STAG1: variants seen among roughly 807,000 people sequenced by gnomAD.
STAG1 encodes the protein cohesin subunit SA-1.
In STAG1, 26 loss-of-function variants were observed where a neutral mutation model predicts 170.9. The observed-to-expected ratio is 0.15, with a 90% CI of 0.11 to 0.21. The LOEUF is 0.21. Ranked by LOEUF, STAG1 falls within the 10% of genes least tolerant of loss-of-function variation. The probability of loss-of-function intolerance (pLI) is 1.00; values close to 1 mark genes in which losing one functional copy is unlikely to be tolerated. For synonymous variants in STAG1, 514 were observed against 497.7 expected (o/e 1.03, Z -0.44); for missense variants, 964 against 1,509.5 (o/e 0.64, Z 5.99).
intron 9 of STAG1, among the ~76,000 whole-genome samples, chr3:136,491,008 T>A (rs977242084): frequency 2.0e-5 from 3 of 152,246 alleles, no homozygotes; most frequent in Non-Finnish European, 4.4e-5. Flanking sequence ...GTAGAATATA[T>A]TCCCTAACCT....
chr3:136,684,496 T>A (rs1942443851), intron 1 of STAG1, among the ~76,000 whole-genome samples: 1 of 152,210 alleles, frequency 6.6e-6, no homozygotes, highest in Non-Finnish European at 1.5e-5. Context: ...GCGCCTGTAA[T>A]TCCAGCACTT....
At chr3:136,346,172 C>A (rs376821734) in intron 29 of STAG1, among the ~76,000 whole-genome samples, 59 of 152,254 alleles carry the variant, frequency 3.9e-4, no homozygotes, top group African/African-American at 1.3e-3. Flanking sequence ...AGAGCATTGA[C>A]CATGGTGAAA....
At chr3:136,495,970 CAAAAAAA>C (rs35882097) in intron 9 of STAG1, among the ~76,000 whole-genome samples, 19 of 64,136 alleles carry the variant, frequency 3.0e-4, no homozygotes, top group African/African-American at 1.3e-3. Context: ...GACTCCGTCT[CAAAAAAA>C]AAAAAAAAAA....
intron 1 of STAG1, among the ~76,000 whole-genome samples, chr3:136,656,617 TTG>T (rs71157397): frequency 9.2e-4 from 132 of 143,230 alleles, no homozygotes; most frequent in Middle Eastern, 7.0e-3. Flanking sequence ...CTGTATTTAT[TTG>T]TGTGTGTGTG....
chr3:136,372,491 T>A (rs1040446947), intron 23 of STAG1, among the ~76,000 whole-genome samples: 1 of 152,184 alleles, frequency 6.6e-6, no homozygotes, highest in Non-Finnish European at 1.5e-5. Context: ...GGGTTTGTCA[T>A]AGATAGCTCT....
intron 26 of STAG1, among the ~76,000 whole-genome samples, chr3:136,362,459 T>G (rs963467064): frequency 4.0e-5 from 6 of 151,812 alleles, no homozygotes; most frequent in Admixed American, 2.0e-4. Context: ...ATACATCTAT[T>G]TAATCTATTT....
rs1559841951 is a variant in STAG1 at position 136,498,269 on chromosome 3, CACACCA to C, written c.902+1948_902+1953del. Among the ~76,000 whole-genome samples, 175 of 71,068 alleles carry C rather than the reference CACACCA, an allele frequency of 2.5e-3. 3 individuals carry two copies. Among genetic ancestry groups the C allele is most frequent in the Non-Finnish European group, 3.3e-3 (129 of 38,550 alleles). 46.6% of individuals were successfully genotyped at this position (71,068 alleles called of 152,430 possible). ...ATACATACACACACACACACACACA[CACACCA>C]CACACACATACACACACACACACAC... On this transcript the variant is annotated intron_variant, in intron 9 of 33. Transcript: ENST00000383202.
intron 3 of STAG1, among the ~76,000 whole-genome samples, chr3:136,621,257 GTTTC>G (rs749058915): frequency 3.9e-4 from 59 of 152,248 alleles, no homozygotes; most frequent in Non-Finnish European, 7.2e-4. Flanking sequence ...AAATAAAAAA[GTTTC>G]TTTAAGGAGA....
chr3:136,672,725 G>C (rs1942013802), intron 1 of STAG1, among the ~76,000 whole-genome samples: 1 of 152,114 alleles, frequency 6.6e-6, no homozygotes, highest in Non-Finnish European at 1.5e-5. Flanking sequence ...AGAGAGGGGG[G>C]AGATCCAAGA....
intron 9 of STAG1, among the ~76,000 whole-genome samples, chr3:136,484,659 G>A (rs1166402929): frequency 6.6e-6 from 1 of 150,518 alleles, no homozygotes; most frequent in African/African-American, 2.4e-5. Context: ...GGGCAATGGC[G>A]GGCGCCCCTC....
At chr3:136,446,597 A>AT (rs2088786223) in intron 14 of STAG1, among the ~76,000 whole-genome samples, 1 of 151,560 alleles carries the variant, frequency 6.6e-6, no homozygotes, top group Non-Finnish European at 1.5e-5. Flanking sequence ...TAATTTTTAC[A>AT]TTTTTAGTAG....
intron 7 of STAG1, among the ~76,000 whole-genome samples, chr3:136,504,975 T>C (rs1297280390): frequency 6.6e-6 from 1 of 152,158 alleles, no homozygotes; most frequent in African/African-American, 2.4e-5. Flanking sequence ...TTAGGTATAA[T>C]ACAGCAGTGT....
chr3:136,542,406 T>C (rs938155356), intron 5 of STAG1, among the ~76,000 whole-genome samples: 2 of 152,162 alleles, frequency 1.3e-5, no homozygotes, highest in African/African-American at 2.4e-5. Flanking sequence ...AAATTGCCGT[T>C]TTTAACTATA....
At chr3:136,525,427 G>C (rs1486007487) in intron 6 of STAG1, among the ~76,000 whole-genome samples, 1 of 152,038 alleles carries the variant, frequency 6.6e-6, no homozygotes, top group East Asian at 1.9e-4. Flanking sequence ...TATTTCTGTG[G>C]GATCGGTGGT....
chr3:136,743,713 G>C (rs1934795106), intron 1 of STAG1, among the ~76,000 whole-genome samples: 1 of 151,898 alleles, frequency 6.6e-6, no homozygotes, highest in Non-Finnish European at 1.5e-5. Context: ...GTAAATACAG[G>C]GAACACGTCC....
chr3:136,507,184 A>G (rs568675295), intron 7 of STAG1, among the ~76,000 whole-genome samples: 2 of 152,210 alleles, frequency 1.3e-5, no homozygotes, highest in Non-Finnish European at 2.9e-5. Context: ...GCCTTGCTCC[A>G]TAGTCCCAGC....
intron 1 of STAG1, among the ~76,000 whole-genome samples, chr3:136,706,667 C>T (rs1457577771): frequency 6.6e-6 from 1 of 152,024 alleles, no homozygotes; most frequent in Non-Finnish European, 1.5e-5. Flanking sequence ...CGGTGCAACC[C>T]CTATAAAAAT....
At chr3:136,368,681 A>C (rs1166009884) in intron 24 of STAG1, among the ~76,000 whole-genome samples, 2 of 152,206 alleles carry the variant, frequency 1.3e-5, no homozygotes, top group Admixed American at 1.3e-4. Context: ...GAATTATGCT[A>C]TATCTACATA....
chr3:136,353,554 G>A (rs750135119), intron 28 of STAG1, among the ~76,000 whole-genome samples: 2 of 152,198 alleles, frequency 1.3e-5, no homozygotes, highest in Non-Finnish European at 2.9e-5. Flanking sequence ...AGAAGGTAGT[G>A]GGATCACATG....
Sources: gnomAD v4.1 joint callset for allele counts (sites outside exome capture counted in the v4.1 genomes callset) on GRCh38, gnomAD v4.1.1 for gene constraint, MANE v1.5 for transcripts, NCBI Gene and HGNC (gene_info 2026-07-23, HGNC 2026-07-21) for gene names.